The following GALNT17 variants were observed in gnomAD, a reference collection of about 807,000 sequenced individuals.
The protein encoded by GALNT17 is UDP-GalNAc:polypeptide N-acetylgalactosaminyltransferase-like 3.
GALNT17 carries 29 observed loss-of-function variants against 63.7 expected under a neutral mutation model. That is an observed-to-expected ratio of 0.46 (90% confidence interval 0.34 to 0.62). The LOEUF (loss-of-function observed/expected upper bound fraction) is 0.62, where lower values mean the gene tolerates loss of function less well. Among genes scored for constraint, GALNT17 ranks in the 20% least tolerant of loss-of-function variants. The pLI, the probability that GALNT17 is intolerant of heterozygous loss-of-function variation, is 0.01. For missense variants in GALNT17, 603 were observed against 799.6 expected (o/e 0.75, Z 2.97); for synonymous variants, 305 against 318.3 (o/e 0.96, Z 0.45).
chr7:71,501,183 G>A (rs1185094906), intron 5 of GALNT17, among the ~76,000 whole-genome samples: 2 of 152,042 alleles, frequency 1.3e-5, no homozygotes, highest in African/African-American at 4.8e-5. Context: ...TGGCCAGGCT[G>A]GTCTTGAACT....
At chr7:71,655,795 G>T (rs1347887181) in intron 6 of GALNT17, among the ~76,000 whole-genome samples, 1 of 152,146 alleles carries the variant, frequency 6.6e-6, no homozygotes, top group African/African-American at 2.4e-5. Context: ...ACCAGAAGGG[G>T]TGCCAGGGAA....
chr7:71,475,004 G>T (rs1787700365), intron 5 of GALNT17, among the ~76,000 whole-genome samples: 1 of 152,108 alleles, frequency 6.6e-6, no homozygotes, highest in Non-Finnish European at 1.5e-5. Context: ...GCAGCCACCA[G>T]ATGCTGGAAG....
chr7:71,670,509 A>G (rs1791052837), intron 8 of GALNT17, among the ~76,000 whole-genome samples: 1 of 152,108 alleles, frequency 6.6e-6, no homozygotes, highest in Admixed American at 6.6e-5. Flanking sequence ...AAAGGAGGAA[A>G]CGTTCTCAGA....
intron 3 of GALNT17, among the ~76,000 whole-genome samples, chr7:71,412,076 T>C (rs1409285333): frequency 6.6e-6 from 1 of 152,158 alleles, no homozygotes. Context: ...TGGAGTCCCG[T>C]CTGTACCGCC....
intron 1 of GALNT17, among the ~76,000 whole-genome samples, chr7:71,288,076 C>T (rs1161714581): frequency 1.4e-5 from 2 of 148,046 alleles, no homozygotes; most frequent in African/African-American, 5.2e-5. Context: ...ATTAGCTGGG[C>T]ATGGTGGCAC....
At chr7:71,233,593 G>T (rs1201252516) in intron 1 of GALNT17, among the ~76,000 whole-genome samples, 1 of 152,184 alleles carries the variant, frequency 6.6e-6, no homozygotes, top group Non-Finnish European at 1.5e-5. Flanking sequence ...GTTGCTCTGG[G>T]AGCCTATATT....
At chr7:71,601,157 T>G (rs1789961904) in intron 6 of GALNT17, among the ~76,000 whole-genome samples, 1 of 152,076 alleles carries the variant, frequency 6.6e-6, no homozygotes, top group Admixed American at 6.6e-5. Context: ...TATATATATC[T>G]ACCACAGTTT....
chr7:71,384,699 T>C (rs1162714904), intron 2 of GALNT17, among the ~76,000 whole-genome samples: 1 of 152,224 alleles, frequency 6.6e-6, no homozygotes, highest in Admixed American at 6.5e-5. Context: ...TGTGAGGCTG[T>C]CATTGCATTG....
intron 1 of GALNT17, among the ~76,000 whole-genome samples, chr7:71,261,664 G>A (rs186007723): frequency 2.0e-5 from 3 of 152,320 alleles, no homozygotes; most frequent in East Asian, 3.9e-4. Context: ...CTGAGGTAGT[G>A]CCTGGCAGGG....
chr7:71,140,938 T>C (rs1787877155), intron 1 of GALNT17, among the ~76,000 whole-genome samples: 1 of 152,080 alleles, frequency 6.6e-6, no homozygotes, highest in Non-Finnish European at 1.5e-5. Flanking sequence ...GGAGGAACGC[T>C]TGAGCCTAAG....
At chr7:71,450,685 C>T (rs1329022689) in intron 5 of GALNT17, among the ~76,000 whole-genome samples, 1 of 152,130 alleles carries the variant, frequency 6.6e-6, no homozygotes, top group African/African-American at 2.4e-5. Flanking sequence ...CTCTCCCAGC[C>T]CCAGGCAACC....
intron 5 of GALNT17, among the ~76,000 whole-genome samples, chr7:71,448,611 T>C (rs1287094517): frequency 1.3e-5 from 2 of 152,194 alleles, no homozygotes; most frequent in Non-Finnish European, 2.9e-5. Context: ...ACTCAGTACT[T>C]GTTTTATCAA....
At chr7:71,400,892 T>C (rs1404746461) in intron 3 of GALNT17, among the ~76,000 whole-genome samples, 1 of 152,188 alleles carries the variant, frequency 6.6e-6, no homozygotes, top group East Asian at 1.9e-4. Flanking sequence ...GAATGGGATA[T>C]GCTAAGAATT....
chr7:71,337,594 G>A (rs547871918), intron 2 of GALNT17, among the ~76,000 whole-genome samples: 80 of 152,262 alleles, frequency 5.3e-4, no homozygotes, highest in African/African-American at 1.9e-3. Context: ...GGCTGGCAGG[G>A]CACGGTGGCT....
At chr7:71,550,324 G>A (rs1369326489) in intron 5 of GALNT17, among the ~76,000 whole-genome samples, 1 of 151,894 alleles carries the variant, frequency 6.6e-6, no homozygotes, top group Non-Finnish European at 1.5e-5. Context: ...TTTATAACTA[G>A]CATTATTACA....
chr7:71,191,957 G>A (rs1220844662), intron 1 of GALNT17, among the ~76,000 whole-genome samples: 1 of 152,156 alleles, frequency 6.6e-6, no homozygotes, highest in African/African-American at 2.4e-5. Context: ...TGAGGAGCAA[G>A]GAAGCCAGTA....
At chr7:71,263,677 A>G (rs1270443500) in intron 1 of GALNT17, among the ~76,000 whole-genome samples, 1 of 151,972 alleles carries the variant, frequency 6.6e-6, no homozygotes, top group African/African-American at 2.4e-5. Flanking sequence ...TAATCCCAGC[A>G]CTTTGAGAGG....
In GALNT17 at chr7:71,143,422, A is replaced by AG. The variant is rs796671831; in HGVS notation, c.238+10382_238+10383insG. Among the ~76,000 whole-genome samples the AG allele has an allele frequency of 1.6e-3, 235 of 151,524 alleles. 1 individual carries two copies. The highest frequency in any genetic ancestry group is 3.1e-3 in the Admixed American group (47 of 15,188). On this transcript the variant is annotated intron_variant, in intron 1 of 10. Coordinates refer to ENST00000333538, the MANE Select transcript of GALNT17 (RefSeq NM_022479.3). ...GAGACTGTCTCAAAAAAAAAAAAAA[A>AG]AAAGAAAGAAAAGAAATGGATGCCC...
At chr7:71,397,712 G>T (rs1344011630) in intron 3 of GALNT17, among the ~76,000 whole-genome samples, 1 of 152,140 alleles carries the variant, frequency 6.6e-6, no homozygotes, top group Non-Finnish European at 1.5e-5. Flanking sequence ...TGGACTCTCT[G>T]ACCCTCTTCT....
Sources: allele counts gnomAD v4.1 joint callset (sites outside exome capture counted in the v4.1 genomes callset), GRCh38; gene constraint gnomAD v4.1.1; transcripts MANE v1.5; gene names NCBI Gene and HGNC (gene_info 2026-07-23, HGNC 2026-07-21).